SLC15A1: variants seen among roughly 807,000 people sequenced by gnomAD.
SLC15A1 encodes Caco-2 oligopeptide transporter.
A neutral mutation model predicts 92.9 loss-of-function variants in SLC15A1; 83 were observed. The observed-to-expected ratio is 0.89, with a 90% confidence interval of 0.75 to 1.07. SLC15A1 has a LOEUF of 1.07. SLC15A1 is among the 50% of genes least tolerant of loss of function. The pLI, the probability that SLC15A1 is intolerant of heterozygous loss-of-function variation, is 0.00. For missense variants in SLC15A1, 857 were observed against 880.1 expected (o/e 0.97, Z 0.33); for synonymous variants, 322 against 318.2 (o/e 1.01, Z -0.13).
chr13:98,706,152 T>C lies in SLC15A1; in HGVS notation c.1251A>G (p.Thr417=). Residue 417 remains threonine, a synonymous_variant, in exon 16 of 23, where the codon ACA becomes ACG. Transcript: ENST00000376503. ...MNISLPGEMV[T]LGPMSQTNAF... The stretch of plus-strand genomic sequence containing the variant: ...TACTTACTTGAGACATTGGGCCAAG[T>C]GTCACCATCTCTCCAGGAAGAGATA... The C allele has an allele frequency of 1.9e-6, 3 of 1,611,528 alleles. No individual in the cohort carries two copies. The highest frequency in any genetic ancestry group is 2.5e-6 in the Non-Finnish European group (3 of 1,179,482).
intron 1 of SLC15A1, among the ~76,000 whole-genome samples, chr13:98,733,258 G>GT (rs955857590): frequency 4.6e-5 from 7 of 152,158 alleles, no homozygotes; most frequent in African/African-American, 1.2e-4. Context: ...TAAGCTTGTG[G>GT]TTTTTTTGTT....
chr13:98,709,811 C>T, intron 12 of SLC15A1, 37 bp from the exon 13 acceptor site: 1 of 1,614,072 alleles, frequency 6.2e-7, no homozygotes, highest in Non-Finnish European at 8.5e-7. Context: ...TGAAAAATGT[C>T]ATGAAAGGGA....
chr13:98,688,401 A>G (rs747825909), intron 19 of SLC15A1, 45 bp from the exon 20 acceptor site: 1 of 1,605,854 alleles, frequency 6.2e-7, no homozygotes, highest in Non-Finnish European at 8.5e-7. Flanking sequence ...TTGGCATTAA[A>G]AATTTCAATG....
At chr13:98,751,817 A>T (rs1291326169) in intron 1 of SLC15A1, among the ~76,000 whole-genome samples, 1 of 152,184 alleles carries the variant, frequency 6.6e-6, no homozygotes, top group Non-Finnish European at 1.5e-5. Flanking sequence ...ACGTGGCCAC[A>T]TCTTCTGCAA....
chr13:98,684,596 A>C lies in SLC15A1; in HGVS notation c.*128T>G. On this transcript the variant is annotated 3_prime_UTR_variant, in exon 23 of 23. Coordinates refer to ENST00000376503, the MANE Select transcript of SLC15A1 (RefSeq NM_005073.4). ...AAAGAAAAAGAAAAAAGAAAATAGC[A>C]TTCATGGTTTAGTTCCCAATTCTGA... 1 of 543,342 alleles carries C rather than the reference A, an allele frequency of 1.8e-6. No homozygotes were observed. The highest frequency in any genetic ancestry group is 3.2e-6 in the Non-Finnish European group (1 of 312,390). 33.7% of individuals were successfully genotyped at this position (543,342 alleles called of 1,614,324 possible). A position where few individuals can be genotyped will look rare whatever the true frequency, so the allele number is the denominator to read the frequency against.
In SLC15A1 at chr13:98,711,869, G is replaced by A. The variant is rs767585459; in HGVS notation, c.885C>T (p.Ala295=). ...FLYIPLPMFW[A]LFDQQGSRWT... is the part of the protein sequence containing the mutation. ...TTCACATTACCTGCTGGTCAAACAAGGCCCAGAACATTGGGAGTGGAATAT... is the reference window on the plus strand; with the variant it reads ...TTCACATTACCTGCTGGTCAAACAAAGCCCAGAACATTGGGAGTGGAATAT... Residue 295 remains alanine (A), a synonymous_variant, in exon 11 of 23, where the codon GCC becomes GCT. Transcript: ENST00000376503. 5.2e-5 allele frequency: 84 copies of A among 1,613,476 alleles called. No individual in the cohort carries two copies. Among genetic ancestry groups the A allele is most frequent in the Non-Finnish European group, 7.0e-5 (82 of 1,179,616 alleles).
chr13:98,697,944 T>C (rs934809387), intron 18 of SLC15A1, among the ~76,000 whole-genome samples: 74 of 152,176 alleles, frequency 4.9e-4, no homozygotes, highest in African/African-American at 1.8e-3. Context: ...GAGTTGGTTT[T>C]TCAGGAGGAA....
At position 98,691,679 on chromosome 13, in the gene SLC15A1, T is replaced by A. The variant is rs538403358; in HGVS notation, c.1467-3102A>T. 3.3e-5 allele frequency among the ~76,000 whole-genome samples: 5 copies of A among 152,328 alleles called. No individual in the cohort carries two copies. In the South Asian group the frequency reaches 1.0e-3, roughly 32 times the overall value. ...AAAAGGATGCAGATTTGCTTCTGAA[T>A]CATGACGTTTTACTGACTTTCTTGT... On this transcript the variant is annotated intron_variant, in intron 18 of 22. Transcript: ENST00000376503.
At position 98,712,676 on chromosome 13, in the gene SLC15A1, T is replaced by C; in HGVS notation, c.724-92A>G. 4.5e-6 allele frequency: 4 copies of C among 898,418 alleles called. No individual in the cohort carries two copies. The South Asian group carries it at 6.3e-5, about 14-fold the overall frequency. The allele number at this position is 898,418 out of a possible 1,614,324, so 55.7% of individuals were successfully genotyped here. A position where few individuals can be genotyped will look rare whatever the true frequency, so the allele number is the denominator to read the frequency against. On this transcript the variant is annotated intron_variant, in intron 9 of 22. Coordinates refer to ENST00000376503, the MANE Select transcript of SLC15A1 (RefSeq NM_005073.4). Reference sequence around the variant, plus strand: ...AATTAAACTACCTTTAGGAGAAAAATATACGTGTGAGAAAAGCAAAATATA... The same window carrying C: ...AATTAAACTACCTTTAGGAGAAAAACATACGTGTGAGAAAAGCAAAATATA...
chr13:98,745,283 T>G (rs115473024), intron 1 of SLC15A1, among the ~76,000 whole-genome samples: 2,666 of 152,216 alleles, frequency 0.018, 82 homozygotes, highest in African/African-American at 0.061. Flanking sequence ...CTGAGGACCA[T>G]GGTGGAGTTA....
Position 98,721,545 on chromosome 13 carries a change from G to T in SLC15A1, c.506C>A (p.Ala169Asp). ...RNRFFSIFYL[A>D]INAGSLLSTI... is the part of the protein sequence containing the mutation. ...GGAAAGCAAACTTCCAGCATTAATA[G>T]CCAAGTAAAAGATGGAAAAAAATCT... Residue 169 changes from alanine (A) to aspartate (D), a missense_variant, in exon 7 of 23, where the codon GCT becomes GAT. Coordinates refer to ENST00000376503, the MANE Select transcript of SLC15A1 (RefSeq NM_005073.4). The T allele has an allele frequency of 6.2e-7, 1 of 1,609,730 alleles. No individual in the cohort carries two copies. The highest frequency in any genetic ancestry group is 8.5e-7 in the Non-Finnish European group (1 of 1,177,552).
rs746040526 is a variant in SLC15A1 at position 98,721,798 on chromosome 13, C to A, written c.465+6G>T. 3 of 1,613,558 alleles carry A rather than the reference C, an allele frequency of 1.9e-6. No homozygotes were observed. Among genetic ancestry groups the A allele is most frequent in the Non-Finnish European group, 2.5e-6 (3 of 1,179,574 alleles). Reference sequence around the variant, plus strand: ...ACGTGGGCTCTGGGGAGGCCCCTACCCTTACCTGGCCCTCTTCAAACTGAT... The same window carrying A: ...ACGTGGGCTCTGGGGAGGCCCCTACACTTACCTGGCCCTCTTCAAACTGAT... On this transcript the variant is annotated splice_donor_region_variant and intron_variant, in intron 6 of 22. Coordinates refer to ENST00000376503, the MANE Select transcript of SLC15A1 (RefSeq NM_005073.4).
chr13:98,688,911 G>C (rs2087953973), intron 18 of SLC15A1, among the ~76,000 whole-genome samples: 1 of 152,126 alleles, frequency 6.6e-6, no homozygotes, highest in Non-Finnish European at 1.5e-5. Flanking sequence ...CAAGAAGGTA[G>C]CCGTGCCTTT....
chr13:98,711,011 C>T (rs547642278), intron 11 of SLC15A1, among the ~76,000 whole-genome samples: 3 of 151,870 alleles, frequency 2.0e-5, no homozygotes, highest in Non-Finnish European at 2.9e-5. Context: ...TTCCAGTGAC[C>T]GGCTCCTGTC....
chr13:98,708,632 C>A (rs369295709), intron 15 of SLC15A1, 54 bp downstream of exon 15: 2 of 1,465,732 alleles, frequency 1.4e-6, no homozygotes, highest in Non-Finnish European at 1.9e-6. Flanking sequence ...AGATTCTGAA[C>A]GCTCCACCTA....
intron 11 of SLC15A1, among the ~76,000 whole-genome samples, chr13:98,710,140 C>T (rs2088149527): frequency 6.6e-6 from 1 of 152,180 alleles, no homozygotes. Context: ...TCCAACCCCT[C>T]CTGAAGCTGC....
Position 98,686,289 on chromosome 13 carries a change from G to A in SLC15A1, c.1836C>T (p.Ser612=), listed in dbSNP as rs964976987. 1.7e-5 allele frequency: 27 copies of A among 1,609,318 alleles called. No individual in the cohort carries two copies. Among genetic ancestry groups the A allele is most frequent in the African/African-American group, 4.0e-5 (3 of 74,796 alleles). ...CTGCCTGAAGCACCGACTTCATGTTGGAAGGAGCCTGAGGAAGCAAAGCAA... is the reference window on the plus strand; with the variant it reads ...CTGCCTGAAGCACCGACTTCATGTTAGAAGGAGCCTGAGGAAGCAAAGCAA... ...GLEFSYSQAP[S]NMKSVLQAGW... The change falls in exon 22 of 23, where the codon TCC becomes TCT. Residue 612 remains serine, a synonymous_variant. Coordinates refer to ENST00000376503, the MANE Select transcript of SLC15A1 (RefSeq NM_005073.4).
At chr13:98,685,942 C>T (rs1232895257) in intron 22 of SLC15A1, among the ~76,000 whole-genome samples, 16 of 150,386 alleles carry the variant, frequency 1.1e-4, no homozygotes, top group East Asian at 7.8e-4. Flanking sequence ...GCCAAGATTG[C>T]GCCACTGCAC....
In SLC15A1 at chr13:98,684,100, A is replaced by C. The variant is rs369592542; in HGVS notation, c.*624T>G. On this transcript the variant is annotated 3_prime_UTR_variant, in exon 23 of 23. Transcript: ENST00000376503. ...TTTGTTACCATTTCAAAATTAAGCT[A>C]GTCCAAAATAACATCATTTGTGTGA... 2.5e-4 allele frequency: 38 copies of C among 152,422 alleles called. No individual in the cohort carries two copies. Among genetic ancestry groups the C allele is most frequent in the African/African-American group, 9.1e-4 (38 of 41,570 alleles). The allele number at this position is 152,422 out of a possible 1,614,324, so 9.4% of individuals were successfully genotyped here.
Sources: allele counts gnomAD v4.1 joint callset (sites outside exome capture counted in the v4.1 genomes callset), GRCh38; gene constraint gnomAD v4.1.1; transcripts MANE v1.5; gene names NCBI Gene and HGNC (gene_info 2026-07-23, HGNC 2026-07-21).